SENP5: variants seen among roughly 807,000 people sequenced by gnomAD.
SENP5 encodes sentrin-specific protease 5.
In SENP5, 21 loss-of-function variants were observed where a neutral mutation model predicts 74.2. The ratio of observed to expected loss-of-function variants is 0.28; its 90% CI spans 0.20 to 0.41. The LOEUF is 0.41. SENP5 is among the 10% of genes least tolerant of loss of function. The probability of loss-of-function intolerance (pLI) is 1.00; values close to 1 mark genes in which losing one functional copy is unlikely to be tolerated. For missense variants in SENP5, 717 were observed against 889.1 expected (o/e 0.81, Z 2.46); for synonymous variants, 311 against 312.7 (o/e 0.99, Z 0.06).
chr3:196,882,091 G>GT (rs769250118), intron 1 of SENP5, among the ~76,000 whole-genome samples: 4 of 151,794 alleles, frequency 2.6e-5, no homozygotes, highest in Non-Finnish European at 5.9e-5. Flanking sequence ...TAGGGTTGGG[G>GT]TTTTACCTTG....
At chr3:196,875,895 A>AT (rs974277876) in intron 1 of SENP5, among the ~76,000 whole-genome samples, 75 of 151,382 alleles carry the variant, frequency 5.0e-4, no homozygotes, top group Middle Eastern at 3.4e-3. Context: ...ACTTTTGGCT[A>AT]TTTTTTTTGG....
intron 6 of SENP5, among the ~76,000 whole-genome samples, chr3:196,916,506 G>A (rs1255940464): frequency 6.7e-6 from 1 of 148,540 alleles, no homozygotes; most frequent in African/African-American, 2.5e-5. Context: ...TCCTGTCAGA[G>A]AAATTTAAGA....
chr3:196,884,251 A>G (rs2108815083), intron 1 of SENP5, among the ~76,000 whole-genome samples: 1 of 152,360 alleles, frequency 6.6e-6, no homozygotes, highest in East Asian at 1.9e-4. Context: ...GTAGCCATGC[A>G]AGGACAGGAC....
At position 196,933,344 on chromosome 3, in the gene SENP5, A is replaced by C. The variant is rs1374015180; in HGVS notation, c.*2421A>C. 1 of 152,018 alleles carries C rather than the reference A, an allele frequency of 6.6e-6. No homozygotes were observed. Among genetic ancestry groups the C allele is most frequent in the Non-Finnish European group, 1.5e-5 (1 of 68,006 alleles). 9.4% of individuals were successfully genotyped at this position (152,018 alleles called of 1,614,324 possible). ...GTTAAGTATTTTAAAAGTCATTTTA[A>C]AATATTTGTCATTGATGAAACTTGG... On this transcript the variant is annotated 3_prime_UTR_variant, in exon 10 of 10. Transcript: ENST00000323460.
At chr3:196,919,804 AAGGG>A (rs1421681627) in intron 6 of SENP5, among the ~76,000 whole-genome samples, 2 of 151,998 alleles carry the variant, frequency 1.3e-5, no homozygotes, top group Admixed American at 6.5e-5. Flanking sequence ...AAAAAAAAAA[AAGGG>A]AGGGATCAAG....
intron 2 of SENP5, among the ~76,000 whole-genome samples, chr3:196,896,398 G>A (rs1714442031): frequency 4.6e-5 from 7 of 152,178 alleles, no homozygotes; most frequent in Admixed American, 4.6e-4. Flanking sequence ...CTAGTTAAGT[G>A]CCCTTGGGGA....
In SENP5 at chr3:196,886,059, C is replaced by A; in HGVS notation, c.878C>A (p.Ser293Tyr). 6.2e-7 allele frequency: 1 copy of A among 1,614,168 alleles called. No homozygotes were observed. Among genetic ancestry groups the A allele is most frequent in the Non-Finnish European group, 8.5e-7 (1 of 1,180,032 alleles). ...GEGGSCSPFP[S>Y]PEPKDPSCRH... ...GGTGGCAGTTGCAGCCCATTTCCTT[C>A]CCCAGAACCTAAAGACCCTTCTTGT... The change falls in exon 2 of 10, where the codon TCC becomes TAC. Residue 293 changes from serine (S) to tyrosine (Y), a missense_variant. Coordinates refer to ENST00000323460, the MANE Select transcript of SENP5 (RefSeq NM_152699.5).
At chr3:196,920,741 T>C (rs1431031758) in intron 6 of SENP5, among the ~76,000 whole-genome samples, 1 of 152,262 alleles carries the variant, frequency 6.6e-6, no homozygotes, top group African/African-American at 2.4e-5. Flanking sequence ...TCTAAGCAGA[T>C]GAACCTATGG....
chr3:196,909,738 C>T (rs1329751663), intron 6 of SENP5, among the ~76,000 whole-genome samples: 2 of 152,182 alleles, frequency 1.3e-5, no homozygotes, highest in African/African-American at 2.4e-5. Context: ...TCTCAATAAA[C>T]TAGGTATTCA....
At chr3:196,876,123 A>G (rs1490686307) in intron 1 of SENP5, among the ~76,000 whole-genome samples, 1 of 152,210 alleles carries the variant, frequency 6.6e-6, no homozygotes, top group Non-Finnish European at 1.5e-5. Flanking sequence ...CTGATAAAGT[A>G]AAATATGATA....
chr3:196,873,034 T>C (rs1346577180), intron 1 of SENP5, among the ~76,000 whole-genome samples: 1 of 152,088 alleles, frequency 6.6e-6, no homozygotes, highest in East Asian at 1.9e-4. Flanking sequence ...TATTGTTCTT[T>C]AGATTGCTTT....
intron 6 of SENP5, among the ~76,000 whole-genome samples, chr3:196,917,587 A>G (rs1204825130): frequency 1.3e-5 from 2 of 152,184 alleles, no homozygotes; most frequent in African/African-American, 4.8e-5. Context: ...AACAAATAAC[A>G]TATGAAGGAG....
At chr3:196,886,785 A>C in intron 2 of SENP5, 91 bp downstream of exon 2, 1 of 1,033,740 alleles carries the variant, frequency 9.7e-7, no homozygotes, top group Non-Finnish European at 1.4e-6. Flanking sequence ...TTTTTCTCCC[A>C]CTCATGAATA....
At chr3:196,899,880 CTCA>C (rs1304482549) in intron 3 of SENP5, 41 bp from the exon 4 acceptor site, 1 of 1,603,704 alleles carries the variant, frequency 6.2e-7, no homozygotes. Context: ...TTGAGAAGTA[CTCA>C]TGTTTTTTTT....
chr3:196,910,579 C>T (rs1715083496), intron 6 of SENP5, among the ~76,000 whole-genome samples: 3 of 151,824 alleles, frequency 2.0e-5, no homozygotes, highest in Admixed American at 2.0e-4. Context: ...ATGTCCTGAC[C>T]TCGTGATCCG....
intron 2 of SENP5, among the ~76,000 whole-genome samples, chr3:196,891,545 C>T (rs1164456329): frequency 1.3e-5 from 2 of 152,222 alleles, no homozygotes; most frequent in Admixed American, 6.6e-5. Context: ...GCAGAAGGAT[C>T]GCTTGAGGGC....
intron 1 of SENP5, among the ~76,000 whole-genome samples, chr3:196,874,309 A>G (rs187823572): frequency 6.6e-4 from 100 of 151,158 alleles, no homozygotes; most frequent in Admixed American, 2.1e-3. Context: ...AAAATGTTTG[A>G]GCTTTACCCA....
rs548077178 is a variant in SENP5, at chr3:196,880,215, G to A, written c.-31-4936G>A. On this transcript the variant is annotated intron_variant, in intron 1 of 9. Coordinates refer to ENST00000323460, the MANE Select transcript of SENP5 (RefSeq NM_152699.5). ...CCCACCTCAGCCTCCCAAAGTGCTG[G>A]GATCACAGGCATGAGCCACTGTGCC... Among the ~76,000 whole-genome samples the A allele has an allele frequency of 7.9e-5, 12 of 152,154 alleles. No individual in the cohort carries two copies. The South Asian group carries it at 2.5e-3, about 32-fold the overall frequency.
intron 6 of SENP5, among the ~76,000 whole-genome samples, chr3:196,909,921 A>G (rs572409294): frequency 6.4e-4 from 97 of 152,318 alleles, no homozygotes; most frequent in African/African-American, 2.2e-3. Context: ...GGCAAGAGAA[A>G]GAAATACAGG....
Sources: allele counts gnomAD v4.1 joint callset (sites outside exome capture counted in the v4.1 genomes callset), GRCh38; gene constraint gnomAD v4.1.1; transcripts MANE v1.5; gene names NCBI Gene and HGNC (gene_info 2026-07-23, HGNC 2026-07-21).